Variants in SGCD observed in about 807,000 individuals in gnomAD.
SGCD encodes the protein sarcoglycan delta, also known as delta-sarcoglycan.
SGCD carries 18 observed loss-of-function variants against 36.6 expected under a neutral mutation model. The ratio of observed to expected loss-of-function variants is 0.49; its 90% CI spans 0.34 to 0.73. The LOEUF (loss-of-function observed/expected upper bound fraction) is 0.73. SGCD is among the 30% of genes least tolerant of loss of function. The pLI, the probability that SGCD is intolerant of heterozygous loss-of-function variation, is 0.01. For synonymous variants in SGCD, 133 were observed against 130.6 expected (o/e 1.02, Z -0.12); for missense variants, 387 against 346.7 (o/e 1.12, Z -0.92).
intron 3 of SGCD, among the ~76,000 whole-genome samples, chr5:156,284,112 G>A (rs1017290395): frequency 1.4e-4 from 21 of 152,122 alleles, no homozygotes; most frequent in African/African-American, 3.6e-4. Flanking sequence ...ACCTTCCCAA[G>A]ACTAAACCAG....
At chr5:155,860,235 A>G in the SGCD span, among the ~76,000 whole-genome samples, 1 of 152,236 alleles carries the variant, frequency 6.6e-6, no homozygotes, top group African/African-American at 2.4e-5. Flanking sequence ...CACAAGATAA[A>G]TTTTGGCATG....
intron 4 of SGCD, among the ~76,000 whole-genome samples, chr5:156,580,217 T>A (rs998480239): frequency 6.6e-6 from 1 of 152,224 alleles, no homozygotes; most frequent in African/African-American, 2.4e-5. Context: ...AAAACTCTTT[T>A]CTTTAAGAAT....
chr5:156,591,559 C>G (rs911627780), intron 5 of SGCD, among the ~76,000 whole-genome samples: 1 of 152,136 alleles, frequency 6.6e-6, no homozygotes, highest in Non-Finnish European at 1.5e-5. Context: ...AGAAATTAGG[C>G]TTGAAGGCCA....
the SGCD span, among the ~76,000 whole-genome samples, chr5:155,859,267 A>G: frequency 1.6e-4 from 24 of 151,826 alleles, no homozygotes; most frequent in Non-Finnish European, 3.4e-4. Context: ...AGGTCTCACT[A>G]TGGTGTCTAG....
At chr5:156,584,049 A>C (rs563946051) in intron 4 of SGCD, among the ~76,000 whole-genome samples, 28 of 152,362 alleles carry the variant, frequency 1.8e-4, no homozygotes, top group Admixed American at 1.0e-3. Context: ...GCAATCCATT[A>C]GTAGAAACAA....
chr5:156,124,800 C>T (rs1762132228), intron 3 of SGCD, among the ~76,000 whole-genome samples: 1 of 151,844 alleles, frequency 6.6e-6, no homozygotes, highest in African/African-American at 2.4e-5. Flanking sequence ...TGCTTAGAAC[C>T]ACCATTTGTG....
intron 3 of SGCD, among the ~76,000 whole-genome samples, chr5:156,268,938 T>C (rs567819836): frequency 6.6e-6 from 1 of 152,276 alleles, no homozygotes; most frequent in South Asian, 2.1e-4. Flanking sequence ...GCTTTTTTTT[T>C]CGTATGTATA....
intron 1 of SGCD, among the ~76,000 whole-genome samples, chr5:155,967,561 C>T (rs1757925603): frequency 6.6e-6 from 1 of 152,020 alleles, no homozygotes; most frequent in Non-Finnish European, 1.5e-5. Flanking sequence ...TATGGTTTCT[C>T]CCCCAAGCCA....
chr5:155,897,678 T>C (rs1361441059), intron 1 of SGCD, among the ~76,000 whole-genome samples: 1 of 152,116 alleles, frequency 6.6e-6, no homozygotes, highest in Non-Finnish European at 1.5e-5. Flanking sequence ...TTAATTTTTT[T>C]TTTACTTTTT....
intron 3 of SGCD, among the ~76,000 whole-genome samples, chr5:156,350,434 G>A (rs1222278898): frequency 6.6e-6 from 1 of 151,786 alleles, no homozygotes; most frequent in African/African-American, 2.4e-5. Flanking sequence ...AAACCTTGGT[G>A]ATCTATCCAA....
chr5:155,824,616 C>T, the SGCD span, among the ~76,000 whole-genome samples: 2 of 152,034 alleles, frequency 1.3e-5, no homozygotes, highest in South Asian at 2.1e-4. Flanking sequence ...GCATTTCTTC[C>T]TCCAAGCCCC....
intron 7 of SGCD, among the ~76,000 whole-genome samples, chr5:156,723,606 T>C (rs1355528128): frequency 6.6e-6 from 1 of 152,220 alleles, no homozygotes; most frequent in African/African-American, 2.4e-5. Flanking sequence ...AGAAGGAACC[T>C]GAGCTAGTTC....
chr5:156,580,379 C>T (rs557603135), intron 4 of SGCD, among the ~76,000 whole-genome samples: 1 of 152,252 alleles, frequency 6.6e-6, no homozygotes, highest in East Asian at 1.9e-4. Context: ...GTGAGTCTGA[C>T]AATTATGTGT....
intron 4 of SGCD, among the ~76,000 whole-genome samples, chr5:156,572,997 A>G (rs140439889): frequency 1.3e-5 from 2 of 152,348 alleles, no homozygotes; most frequent in South Asian, 4.1e-4. Flanking sequence ...TAAGAAATGT[A>G]CATATTACCT....
chr5:156,166,470 C>A (rs367942808), intron 3 of SGCD, among the ~76,000 whole-genome samples: 19 of 152,294 alleles, frequency 1.2e-4, no homozygotes, highest in African/African-American at 4.3e-4. Context: ...ATGCCAGACA[C>A]CACGCCTGGC....
intron 7 of SGCD, among the ~76,000 whole-genome samples, chr5:156,655,131 T>C (rs775952624): frequency 6.6e-6 from 1 of 152,102 alleles, no homozygotes; most frequent in African/African-American, 2.4e-5. Flanking sequence ...GGAAAACAAA[T>C]GGATTCAAAA....
At chr5:156,730,345 C>T (rs192141888) in intron 7 of SGCD, among the ~76,000 whole-genome samples, 22 of 152,096 alleles carry the variant, frequency 1.4e-4, no homozygotes, top group Middle Eastern at 3.4e-3. Flanking sequence ...GCTTAGTAAC[C>T]ATTCGTTATT....
chr5:155,766,302 A>C, the SGCD span, among the ~76,000 whole-genome samples: 1 of 152,074 alleles, frequency 6.6e-6, no homozygotes, highest in African/African-American at 2.4e-5. Flanking sequence ...GGCTACCTAA[A>C]GAAGAAGGGA....
chr5:156,378,944 G>T (rs181717971), intron 3 of SGCD, among the ~76,000 whole-genome samples: 2 of 152,226 alleles, frequency 1.3e-5, no homozygotes, highest in Admixed American at 6.5e-5. Flanking sequence ...CTTTTATGAT[G>T]AATCACTTTT....
Sources: gnomAD v4.1 joint callset for allele counts (sites outside exome capture counted in the v4.1 genomes callset) on GRCh38, gnomAD v4.1.1 for gene constraint, MANE v1.5 for transcripts, NCBI Gene and HGNC (gene_info 2026-07-23, HGNC 2026-07-21) for gene names.